GLYR1: variants seen among roughly 807,000 people sequenced by gnomAD.
GLYR1 encodes the protein cytokine-like nuclear factor N-PAC.
A neutral mutation model predicts 72.7 loss-of-function variants in GLYR1; 21 were observed. The observed-to-expected ratio is 0.29, with a 90% CI of 0.20 to 0.42. The LOEUF is 0.42. GLYR1 is among the 10% of genes least tolerant of loss of function. The pLI, the probability that GLYR1 is intolerant of heterozygous loss-of-function variation, is 1.00. For synonymous variants in GLYR1, 392 were observed against 270.2 expected, an observed-to-expected ratio of 1.45 and a Z score of -4.42; for missense variants, 594 against 712.1, an observed-to-expected ratio of 0.83 and a Z score of 1.89.
At chr16:4,828,594 G>C (rs2084584455) in intron 5 of GLYR1, among the ~76,000 whole-genome samples, 1 of 152,048 alleles carries the variant, frequency 6.6e-6, no homozygotes, top group African/African-American at 2.4e-5. Flanking sequence ...ACGAGTTCCT[G>C]TAAGCCTGGG....
intron 10 of GLYR1, among the ~76,000 whole-genome samples, chr16:4,815,371 T>C (rs1358166587): frequency 6.6e-6 from 1 of 152,172 alleles, no homozygotes; most frequent in Non-Finnish European, 1.5e-5. Context: ...TTCACATTTA[T>C]CTATATTGTT....
Position 4,813,788 on chromosome 16 carries a change from G to A in GLYR1, c.1068C>T (p.Cys356=). 1 of 1,613,074 alleles carries A rather than the reference G, an allele frequency of 6.2e-7. No homozygotes were observed. Among genetic ancestry groups the A allele is most frequent in the Non-Finnish European group, 8.5e-7 (1 of 1,179,658 alleles). ...GVLQGIRPGK[C]YVDMSTVDAD... ...CGTCCACTGTTGACATGTCCACGTA[G>A]CACTTCCCAGGGCGGATCCCTTGCA... is the stretch of plus-strand genomic sequence containing the variant. The change falls in exon 12 of 16, where the codon TGC becomes TGT. Residue 356 remains cysteine, a synonymous_variant. Coordinates refer to ENST00000321919, the MANE Select transcript of GLYR1 (RefSeq NM_032569.4).
chr16:4,812,262 TCA>T lies in GLYR1; in HGVS notation c.1120-16_1120-15del, dbSNP rs768653412. ...GGACACAATCACCTGGAAAGAAAAGTCACAGCTTCTGGAGGCCTCCCCTCTCC... is the reference window on the plus strand; with the variant it reads ...GGACACAATCACCTGGAAAGAAAAGTCAGCTTCTGGAGGCCTCCCCTCTCC... On this transcript the variant is annotated splice_polypyrimidine_tract_variant and intron_variant, in intron 12 of 15. Transcript: ENST00000321919. The T allele has an allele frequency of 6.2e-7, 1 of 1,608,994 alleles. No individual in the cohort carries two copies. The highest frequency in any genetic ancestry group is 8.5e-7 in the Non-Finnish European group (1 of 1,178,714).
At chr16:4,823,798 C>T in intron 6 of GLYR1, 23 bp downstream of exon 6, 1 of 1,605,924 alleles carries the variant, frequency 6.2e-7, no homozygotes, top group South Asian at 1.1e-5. Context: ...ACAGCTTGTC[C>T]TGCCTGCAGG....
chr16:4,843,741 T>G (rs2085731629), intron 3 of GLYR1: 1 of 880,962 alleles, frequency 1.1e-6, no homozygotes, highest in South Asian at 1.7e-5. Flanking sequence ...CACAGACATT[T>G]TTTTCAAATC....
At chr16:4,830,615 T>A (rs1376599610) in intron 5 of GLYR1, among the ~76,000 whole-genome samples, 1 of 152,232 alleles carries the variant, frequency 6.6e-6, no homozygotes. Context: ...TGTTCCATCA[T>A]GGCCTCGTCA....
intron 9 of GLYR1, among the ~76,000 whole-genome samples, chr16:4,820,758 C>T (rs942391802): frequency 2.0e-5 from 3 of 152,210 alleles, no homozygotes; most frequent in Non-Finnish European, 2.9e-5. Context: ...TTTTTGCCAA[C>T]AAGACTCTGC....
intron 3 of GLYR1, among the ~76,000 whole-genome samples, chr16:4,837,868 T>C (rs960741083): frequency 6.6e-6 from 1 of 151,386 alleles, no homozygotes; most frequent in East Asian, 1.9e-4. Context: ...GAGGCGGAGG[T>C]TGCAGTGAGC....
intron 10 of GLYR1, among the ~76,000 whole-genome samples, chr16:4,815,527 C>T (rs1488379201): frequency 6.6e-6 from 1 of 152,108 alleles, no homozygotes; most frequent in Non-Finnish European, 1.5e-5. Context: ...CACCAAACAT[C>T]TTTACGTACA....
At chr16:4,831,920 A>G (rs1006072747) in intron 5 of GLYR1, 59 bp downstream of exon 5, 3 of 1,573,044 alleles carry the variant, frequency 1.9e-6, no homozygotes, top group African/African-American at 2.7e-5. Flanking sequence ...GTAGAGCTTA[A>G]CTCTACCTTG....
chr16:4,825,201 T>C (rs941547437), intron 5 of GLYR1, among the ~76,000 whole-genome samples: 2 of 152,230 alleles, frequency 1.3e-5, no homozygotes, highest in Non-Finnish European at 2.9e-5. Flanking sequence ...TCTCACATAG[T>C]AAAGCTACGG....
At chr16:4,824,603 C>T (rs971961048) in intron 5 of GLYR1, among the ~76,000 whole-genome samples, 1 of 152,022 alleles carries the variant, frequency 6.6e-6, no homozygotes, top group Admixed American at 6.6e-5. Context: ...TGAGATCTGC[C>T]CACATTTTAC....
At chr16:4,842,936 G>C (rs758532832) in intron 3 of GLYR1, among the ~76,000 whole-genome samples, 71 of 152,224 alleles carry the variant, frequency 4.7e-4, no homozygotes, top group Admixed American at 2.9e-3. Flanking sequence ...CTGGCGTTAA[G>C]CAATCTGCCT....
chr16:4,820,949 T>A (rs1433730645), intron 9 of GLYR1, among the ~76,000 whole-genome samples: 1 of 152,240 alleles, frequency 6.6e-6, no homozygotes, highest in Admixed American at 6.5e-5. Flanking sequence ...TGGCCAATTT[T>A]GGGGCCTCAT....
In GLYR1 at chr16:4,845,034, A is replaced by G. The variant is rs1004107886; in HGVS notation, c.155+40T>C. 6 of 1,377,346 alleles carry G rather than the reference A, an allele frequency of 4.4e-6. No individual in the cohort carries two copies. In the African/African-American group the frequency reaches 7.1e-5, roughly 16 times the overall value. 85.3% of individuals were successfully genotyped at this position (1,377,346 alleles called of 1,614,324 possible). A position where few individuals can be genotyped will look rare whatever the true frequency, so the allele number is the denominator to read the frequency against. On this transcript the variant is annotated intron_variant, in intron 3 of 15. Coordinates refer to ENST00000321919, the MANE Select transcript of GLYR1 (RefSeq NM_032569.4). ...GCAGCTCAGACTCCAGGTAACACAGAAAGAAAGGCGAAGGGAGACTCCTGG... is the reference window on the plus strand; with the variant it reads ...GCAGCTCAGACTCCAGGTAACACAGGAAGAAAGGCGAAGGGAGACTCCTGG...
At chr16:4,845,264 G>T (rs1003652012) in intron 2 of GLYR1, 111 bp from the exon 3 acceptor site, 3 of 702,260 alleles carry the variant, frequency 4.3e-6, no homozygotes, top group African/African-American at 3.6e-5. Context: ...TAAATTAAAA[G>T]GACTTACTTA....
intron 5 of GLYR1, among the ~76,000 whole-genome samples, chr16:4,826,502 C>A (rs377209519): frequency 6.6e-6 from 1 of 152,200 alleles, no homozygotes; most frequent in South Asian, 2.1e-4. Context: ...ACCCATGCTG[C>A]CATACAGTCC....
chr16:4,823,939 C>A lies in GLYR1; in HGVS notation c.538-32G>T, dbSNP rs765578249. On this transcript the variant is annotated intron_variant, in intron 5 of 15. Transcript: ENST00000321919. ...AGGGAGGGGCAGGGCATTTTAAAATCACATTCAAACCCCAACAAAACCCCT... is the reference window on the plus strand; with the variant it reads ...AGGGAGGGGCAGGGCATTTTAAAATAACATTCAAACCCCAACAAAACCCCT... The A allele has an allele frequency of 1.2e-5, 18 of 1,561,294 alleles. No individual in the cohort carries two copies. In the East Asian group the frequency reaches 3.8e-4, roughly 33 times the overall value.
At chr16:4,823,061 A>C (rs1349271620) in intron 6 of GLYR1, 130 bp from the exon 7 acceptor site, 1 of 793,202 alleles carries the variant, frequency 1.3e-6, no homozygotes, top group Non-Finnish European at 2.1e-6. Context: ...AATTGTCTGG[A>C]AACTCTTTTC....
Sources: allele counts gnomAD v4.1 joint callset (sites outside exome capture counted in the v4.1 genomes callset), GRCh38; gene constraint gnomAD v4.1.1; transcripts MANE v1.5; gene names NCBI Gene and HGNC (gene_info 2026-07-23, HGNC 2026-07-21).